The following LSAMP variants were observed in gnomAD, a reference collection of about 807,000 sequenced individuals.
The protein encoded by LSAMP is limbic system associated membrane protein, also known as limbic system-associated membrane protein.
A neutral mutation model predicts 38.6 loss-of-function variants in LSAMP; 7 were observed. That is an observed-to-expected ratio of 0.18 (90% CI 0.10 to 0.34). The LOEUF (loss-of-function observed/expected upper bound fraction) is 0.34. LSAMP is among the 10% of genes least tolerant of loss of function. LSAMP has a pLI of 1.00. For missense variants in LSAMP, 313 were observed against 420.0 expected (o/e 0.75, Z 2.23); for synonymous variants, 154 against 166.8 (o/e 0.92, Z 0.59).
chr3:116,260,343 AAAT>A (rs2046808589), intron 1 of LSAMP, among the ~76,000 whole-genome samples: 1 of 152,076 alleles, frequency 6.6e-6, no homozygotes, highest in Non-Finnish European at 1.5e-5. Context: ...AGATTTATTA[AAAT>A]AATAATAATT....
At chr3:116,336,008 G>C (rs1159737290) in intron 1 of LSAMP, among the ~76,000 whole-genome samples, 2 of 151,998 alleles carry the variant, frequency 1.3e-5, no homozygotes, top group Non-Finnish European at 2.9e-5. Context: ...ACCATGCAAT[G>C]GGAAAAGAAC....
chr3:115,874,561 C>A (rs1228636379), intron 3 of LSAMP, among the ~76,000 whole-genome samples: 1 of 152,124 alleles, frequency 6.6e-6, no homozygotes, highest in Admixed American at 6.6e-5. Context: ...GCTTCATTGA[C>A]TTGTACATTT....
intron 1 of LSAMP, among the ~76,000 whole-genome samples, chr3:116,202,095 TCTCTC>T (rs1289070991): frequency 9.2e-5 from 14 of 151,972 alleles, no homozygotes; most frequent in African/African-American, 1.7e-4. Context: ...TCCACACTCT[TCTCTC>T]CTCTCCTCTC....
At chr3:116,169,882 C>T (rs1710154482) in intron 1 of LSAMP, among the ~76,000 whole-genome samples, 1 of 152,102 alleles carries the variant, frequency 6.6e-6, no homozygotes. Flanking sequence ...ATTCAGGAAA[C>T]TTTTAAAACA....
At chr3:116,275,485 C>G (rs546417962) in intron 1 of LSAMP, among the ~76,000 whole-genome samples, 1 of 152,044 alleles carries the variant, frequency 6.6e-6, no homozygotes, top group Admixed American at 6.6e-5. Flanking sequence ...TGGGGGGAGT[C>G]TATAATTTAA....
In LSAMP at chr3:116,442,654, G is replaced by A. The variant is rs567597114; in HGVS notation, c.155+2223C>T. Among the ~76,000 whole-genome samples the A allele has an allele frequency of 3.3e-5, 5 of 152,090 alleles. No individual in the cohort carries two copies. The East Asian group carries it at 9.7e-4, about 29-fold the overall frequency. On this transcript the variant is annotated intron_variant, in intron 1 of 6. Transcript: ENST00000490035. ...CAAAATAAACCCTTGTCCAAGGCAA[G>A]GAAATAAAAAAGAGGGCATGTAAGG...
chr3:116,221,558 G>T (rs1014823067), intron 1 of LSAMP, among the ~76,000 whole-genome samples: 1 of 152,170 alleles, frequency 6.6e-6, no homozygotes, highest in Non-Finnish European at 1.5e-5. Context: ...ATGTGTTTGT[G>T]TACATGCCTG....
At chr3:116,291,006 C>T (rs1032834700) in intron 1 of LSAMP, among the ~76,000 whole-genome samples, 3 of 152,022 alleles carry the variant, frequency 2.0e-5, no homozygotes, top group Admixed American at 2.0e-4. Flanking sequence ...TTTATGCACC[C>T]CTTATGTCCA....
intron 1 of LSAMP, among the ~76,000 whole-genome samples, chr3:116,116,983 G>A (rs929846364): frequency 8.6e-5 from 13 of 152,020 alleles, no homozygotes; most frequent in Admixed American, 1.3e-4. Flanking sequence ...TCAACACCAC[G>A]TCAAATAAAA....
chr3:115,881,037 AAAATAAAT>A (rs141822663), intron 3 of LSAMP, among the ~76,000 whole-genome samples: 25 of 142,940 alleles, frequency 1.7e-4, no homozygotes, highest in South Asian at 4.7e-4. Context: ...CTCTGTCTCA[AAAATAAAT>A]AAATAAATAA....
chr3:115,854,407 C>T lies in LSAMP; in HGVS notation c.515-1790G>A, dbSNP rs1349167038. 2.7e-5 allele frequency among the ~76,000 whole-genome samples: 4 copies of T among 150,316 alleles called. No individual in the cohort carries two copies. The East Asian group carries it at 7.8e-4, about 29-fold the overall frequency. On this transcript the variant is annotated intron_variant, in intron 3 of 6. Transcript: ENST00000490035. Reference sequence around the variant, plus strand: ...ACGCCATTCTCCTGCCTCAGCCTCCCGAGTAGCTGGGACTACAGGCGCCCG... The same window carrying T: ...ACGCCATTCTCCTGCCTCAGCCTCCTGAGTAGCTGGGACTACAGGCGCCCG...
chr3:115,969,860 C>T (rs547129158), intron 3 of LSAMP, among the ~76,000 whole-genome samples: 4 of 152,226 alleles, frequency 2.6e-5, no homozygotes, highest in East Asian at 1.9e-4. Flanking sequence ...TACTTTTTAA[C>T]GTCACATCAT....
chr3:116,105,035 C>A (rs1312138783), intron 1 of LSAMP, among the ~76,000 whole-genome samples: 1 of 152,108 alleles, frequency 6.6e-6, no homozygotes, highest in African/African-American at 2.4e-5. Flanking sequence ...TGTGTTTGAC[C>A]ATCAGCAAGC....
intron 1 of LSAMP, among the ~76,000 whole-genome samples, chr3:116,114,012 T>C (rs983951763): frequency 6.6e-6 from 1 of 152,194 alleles, no homozygotes; most frequent in South Asian, 2.1e-4. Flanking sequence ...ATGTTGAAAA[T>C]GTTGAACTTT....
intron 1 of LSAMP, among the ~76,000 whole-genome samples, chr3:116,164,788 G>T (rs1710008437): frequency 3.3e-5 from 4 of 120,200 alleles, no homozygotes; most frequent in Admixed American, 2.0e-4. Context: ...GTAGCATCTA[G>T]CTTAGTAAGG....
Position 115,826,622 on chromosome 3 carries a change from C to A in LSAMP, c.919+15223G>T, listed in dbSNP as rs571606499. Among the ~76,000 whole-genome samples, 5 of 152,270 alleles carry A rather than the reference C, an allele frequency of 3.3e-5. No individual in the cohort carries two copies. The South Asian group carries it at 1.0e-3, about 32-fold the overall frequency. ...TACCTGCTTCATTCTCCTTTGTCATCCCCAAAACCCGGCTCAGAGCAAATA... is the reference window on the plus strand; with the variant it reads ...TACCTGCTTCATTCTCCTTTGTCATACCCAAAACCCGGCTCAGAGCAAATA... On this transcript the variant is annotated intron_variant, in intron 6 of 6. Transcript: ENST00000490035.
intron 1 of LSAMP, among the ~76,000 whole-genome samples, chr3:116,152,582 AT>A (rs1709637338): frequency 6.6e-6 from 1 of 152,072 alleles, no homozygotes; most frequent in South Asian, 2.1e-4. Flanking sequence ...TATTGTAACA[AT>A]TAATTGATTA....
At chr3:116,210,405 T>TA (rs2046139765) in intron 1 of LSAMP, among the ~76,000 whole-genome samples, 1 of 152,210 alleles carries the variant, frequency 6.6e-6, no homozygotes, top group Non-Finnish European at 1.5e-5. Context: ...GCTTGCTGCG[T>TA]CTTCCGGCCT....
chr3:116,338,467 C>T (rs756302470), intron 1 of LSAMP, among the ~76,000 whole-genome samples: 5 of 151,966 alleles, frequency 3.3e-5, no homozygotes, highest in Admixed American at 6.6e-5. Context: ...TCTCCACATA[C>T]GATCTTGATG....
Sources: gnomAD v4.1 joint callset for allele counts (sites outside exome capture counted in the v4.1 genomes callset) on GRCh38, gnomAD v4.1.1 for gene constraint, MANE v1.5 for transcripts, NCBI Gene and HGNC (gene_info 2026-07-23, HGNC 2026-07-21) for gene names.